The following STT3B variants were observed in gnomAD, a reference collection of about 807,000 sequenced individuals.
The protein encoded by STT3B is dolichyl-diphosphooligosaccharide--protein glycosyltransferase subunit STT3B.
Under a neutral mutation model 96.8 loss-of-function variants are expected in STT3B, and 29 were observed. The ratio of observed to expected loss-of-function variants is 0.30; its 90% confidence interval spans 0.22 to 0.41. The LOEUF (loss-of-function observed/expected upper bound fraction) is 0.41. Ranked by LOEUF, STT3B falls within the 10% of genes least tolerant of loss-of-function variation. The pLI, the probability that STT3B is intolerant of heterozygous loss-of-function variation, is 1.00. For synonymous variants in STT3B, 367 were observed against 360.0 expected, an observed-to-expected ratio of 1.02 and a Z score of -0.22; for missense variants, 640 against 1,022.3, an observed-to-expected ratio of 0.63 and a Z score of 5.10.
At chr3:31,602,840 C>T (rs1698961431) in intron 5 of STT3B, among the ~76,000 whole-genome samples, 1 of 151,984 alleles carries the variant, frequency 6.6e-6, no homozygotes, top group Admixed American at 6.5e-5. Context: ...GTTTCTTTTA[C>T]TTATAATTAT....
At chr3:31,554,479 T>A (rs1697642517) in intron 1 of STT3B, among the ~76,000 whole-genome samples, 1 of 152,172 alleles carries the variant, frequency 6.6e-6, no homozygotes, top group Non-Finnish European at 1.5e-5. Flanking sequence ...TTTTAAATGA[T>A]TTAATGGCCG....
At chr3:31,555,984 T>C (rs1343161008) in intron 1 of STT3B, among the ~76,000 whole-genome samples, 2 of 152,160 alleles carry the variant, frequency 1.3e-5, no homozygotes, top group African/African-American at 2.4e-5. Context: ...TATACAACAT[T>C]AGAATTTATG....
In STT3B at chr3:31,615,106, A is replaced by G. The variant is rs759450513; in HGVS notation, c.879A>G (p.Ala293=). 3 of 1,595,786 alleles carry G rather than the reference A, an allele frequency of 1.9e-6. No individual in the cohort carries two copies. Among genetic ancestry groups the G allele is most frequent in the African/African-American group, 2.7e-5 (2 of 74,334 alleles). Residue 293 remains alanine, a splice_region_variant and synonymous_variant, in exon 6 of 16, where the codon GCA becomes GCG. Coordinates refer to ENST00000295770, the MANE Select transcript of STT3B (RefSeq NM_178862.3). The stretch of plus-strand genomic sequence containing the variant: ...TTGTTTCCTATTTTGTCTTTATAGC[A>G]TATAGCACTTTCTACATTGTGGGTT... ...MQRYSKRVYI[A]YSTFYIVGLI... is the part of the protein sequence containing the mutation.
At chr3:31,618,420 A>AT (rs1699357998) in intron 8 of STT3B, among the ~76,000 whole-genome samples, 1 of 151,564 alleles carries the variant, frequency 6.6e-6, no homozygotes, top group Non-Finnish European at 1.5e-5. Context: ...GTTTTTTTAA[A>AT]TCTGTGAAAC....
At chr3:31,628,809 C>T (rs979618083) in intron 13 of STT3B, among the ~76,000 whole-genome samples, 1 of 152,086 alleles carries the variant, frequency 6.6e-6, no homozygotes, top group Non-Finnish European at 1.5e-5. Context: ...GGTGTTGGTA[C>T]CAGTCTCTTT....
intron 15 of STT3B, among the ~76,000 whole-genome samples, chr3:31,633,388 A>G (rs1260497246): frequency 6.6e-6 from 1 of 152,184 alleles, no homozygotes; most frequent in Non-Finnish European, 1.5e-5. Context: ...TGCTATTGCC[A>G]TTAGTAAGAC....
intron 5 of STT3B, among the ~76,000 whole-genome samples, chr3:31,610,943 A>C (rs1266667637): frequency 6.6e-6 from 1 of 152,250 alleles, no homozygotes; most frequent in East Asian, 1.9e-4. Context: ...AATGATTTAC[A>C]ACACTATTGG....
chr3:31,599,131 GTTTCTT>G (rs1252425136), intron 4 of STT3B, among the ~76,000 whole-genome samples: 1 of 152,002 alleles, frequency 6.6e-6, no homozygotes, highest in Non-Finnish European at 1.5e-5. Context: ...TTTTAAACAG[GTTTCTT>G]AAGATTGGGG....
intron 3 of STT3B, among the ~76,000 whole-genome samples, chr3:31,585,680 T>C (rs1698521183): frequency 2.0e-5 from 3 of 152,112 alleles, no homozygotes; most frequent in Non-Finnish European, 2.9e-5. Context: ...TCTGTTTCTC[T>C]GTCTATATAG....
intron 5 of STT3B, among the ~76,000 whole-genome samples, chr3:31,605,550 T>C (rs375746004): frequency 2.6e-4 from 39 of 152,294 alleles, no homozygotes; most frequent in African/African-American, 9.4e-4. Context: ...GAAATCCTTT[T>C]CTCTTGGTTT....
chr3:31,541,466 T>C (rs1307454735), intron 1 of STT3B, among the ~76,000 whole-genome samples: 2 of 151,242 alleles, frequency 1.3e-5, no homozygotes, highest in Admixed American at 1.3e-4. Flanking sequence ...TTTTTTTTCT[T>C]TTTTTGTTTT....
At chr3:31,600,238 G>A (rs1698899846) in intron 4 of STT3B, 122 bp from the exon 5 acceptor site, 1 of 429,262 alleles carries the variant, frequency 2.3e-6, no homozygotes, top group African/African-American at 2.0e-5. Flanking sequence ...TCTTATTTAA[G>A]CATTTCTCAA....
At chr3:31,553,010 G>C (rs1697603842) in intron 1 of STT3B, among the ~76,000 whole-genome samples, 1 of 151,050 alleles carries the variant, frequency 6.6e-6, no homozygotes, top group Admixed American at 6.6e-5. Flanking sequence ...GCTGAGGCAG[G>C]AGAATGGCGT....
Position 31,632,997 on chromosome 3 carries a change from C to T in STT3B, c.2250C>T (p.Asp750=). The T allele has an allele frequency of 6.2e-7, 1 of 1,614,092 alleles. No individual in the cohort carries two copies. Among genetic ancestry groups the T allele is most frequent in the Non-Finnish European group, 8.5e-7 (1 of 1,179,992 alleles). The change falls in exon 15 of 16, where the codon GAC becomes GAT. Residue 750 remains aspartate (D), a synonymous_variant. Transcript: ENST00000295770. ...GTAATGCTGAGATTGGAAATAAGGACATTAAATTCAAACATTTGGAAGAAG... is the reference window on the plus strand; with the variant it reads ...GTAATGCTGAGATTGGAAATAAGGATATTAAATTCAAACATTTGGAAGAAG... The part of the protein sequence containing the change: ...RTRNAEIGNK[D]IKFKHLEEAF...
intron 1 of STT3B, among the ~76,000 whole-genome samples, chr3:31,552,266 C>G (rs1214175301): frequency 6.6e-6 from 1 of 152,204 alleles, no homozygotes; most frequent in East Asian, 1.9e-4. Context: ...TCTCTCTGAT[C>G]TCATGTAATC....
chr3:31,570,773 C>T (rs1019065327), intron 1 of STT3B, among the ~76,000 whole-genome samples: 4 of 152,028 alleles, frequency 2.6e-5, no homozygotes, highest in African/African-American at 9.7e-5. Context: ...GATTTGTAGT[C>T]AAGGAGCAGG....
intron 9 of STT3B, among the ~76,000 whole-genome samples, chr3:31,621,556 T>TA (rs1451119437): frequency 6.6e-6 from 1 of 152,250 alleles, no homozygotes; most frequent in African/African-American, 2.4e-5. Flanking sequence ...TTCCTGTGGT[T>TA]AGCACATTAT....
intron 13 of STT3B, among the ~76,000 whole-genome samples, chr3:31,628,461 T>A (rs897355387): frequency 1.3e-5 from 2 of 152,216 alleles, no homozygotes; most frequent in African/African-American, 4.8e-5. Context: ...TTTCCAGTAT[T>A]TTAGTTTTAT....
rs1340679932 is a variant in STT3B, at chr3:31,635,995, G to A, written c.2412G>A (p.Arg804=). The A allele has an allele frequency of 6.2e-6, 10 of 1,604,512 alleles. No individual in the cohort carries two copies. The highest frequency in any genetic ancestry group is 4.5e-5 in the South Asian group (4 of 88,538). ...TTGTTTTTTTATAGACTACCAAAAGGAAGCGTGGCTACATTAAAAATAAGC... is the reference window on the plus strand; with the variant it reads ...TTGTTTTTTTATAGACTACCAAAAGAAAGCGTGGCTACATTAAAAATAAGC... ...QKYLSKKTTK[R]KRGYIKNKLV... Residue 804 remains arginine (R), a synonymous_variant, in exon 16 of 16, where the codon AGG becomes AGA. Transcript: ENST00000295770.
Sources: allele counts gnomAD v4.1 joint callset (sites outside exome capture counted in the v4.1 genomes callset), GRCh38; gene constraint gnomAD v4.1.1; transcripts MANE v1.5; gene names NCBI Gene and HGNC (gene_info 2026-07-23, HGNC 2026-07-21).